ARHGAP10: variants seen among roughly 807,000 people sequenced by gnomAD.
ARHGAP10 encodes rho GTPase-activating protein 10.
ARHGAP10 carries 87 observed loss-of-function variants against 108.6 expected under a neutral mutation model. The ratio of observed to expected loss-of-function variants is 0.80; its 90% CI spans 0.67 to 0.96. The LOEUF (loss-of-function observed/expected upper bound fraction) is 0.96, where lower values mean the gene tolerates loss of function less well. Among genes scored for constraint, ARHGAP10 ranks in the 40% least tolerant of loss-of-function variants. The probability of loss-of-function intolerance (pLI) is 0.00; values close to 1 mark genes in which losing one functional copy is unlikely to be tolerated. For missense variants in ARHGAP10, 939 were observed against 954.5 expected (o/e 0.98, Z 0.21); for synonymous variants, 347 against 341.1 (o/e 1.02, Z -0.19).
chr4:147,794,876 TC>T (rs1731254233), intron 1 of ARHGAP10, among the ~76,000 whole-genome samples: 1 of 152,192 alleles, frequency 6.6e-6, no homozygotes, highest in Non-Finnish European at 1.5e-5. Context: ...TGTAACCAGT[TC>T]CCCTTCTGAT....
At chr4:147,969,324 C>CTTTTTTTTTT (rs61078731) in intron 18 of ARHGAP10, among the ~76,000 whole-genome samples, 2 of 93,870 alleles carry the variant, frequency 2.1e-5, no homozygotes, top group Non-Finnish European at 4.3e-5. Context: ...TTTGTTTTGC[C>CTTTTTTTTTT]TTTTTTTTTT....
chr4:147,780,223 C>T (rs1436251963), intron 1 of ARHGAP10, among the ~76,000 whole-genome samples: 3 of 152,140 alleles, frequency 2.0e-5, no homozygotes, highest in African/African-American at 4.8e-5. Context: ...TTTTCTGTGG[C>T]TGTGGGTGGA....
At position 147,866,693 on chromosome 4, in the gene ARHGAP10, T is replaced by C. The variant is rs1216520197; in HGVS notation, c.598-19T>C. ...CTGAGTTTTTTTGTGCTAATATCTC[T>C]TTTCTTCCTGTGTCTTAGATGCTGT... On this transcript the variant is annotated intron_variant, in intron 6 of 22. Coordinates refer to ENST00000336498, the MANE Select transcript of ARHGAP10 (RefSeq NM_024605.4). 3.8e-6 allele frequency: 6 copies of C among 1,583,886 alleles called. No individual in the cohort carries two copies. In the Admixed American group the frequency reaches 7.0e-5, roughly 19 times the overall value.
chr4:148,002,147 C>CT (rs1260703797), intron 18 of ARHGAP10, among the ~76,000 whole-genome samples: 1 of 152,032 alleles, frequency 6.6e-6, no homozygotes, highest in Non-Finnish European at 1.5e-5. Context: ...TGTCAAAGAC[C>CT]TTTTTTGCAT....
intron 13 of ARHGAP10, among the ~76,000 whole-genome samples, chr4:147,932,006 C>T (rs2126950017): frequency 6.6e-6 from 1 of 152,186 alleles, no homozygotes; most frequent in Middle Eastern, 3.4e-3. Flanking sequence ...GGGCAAAGGA[C>T]ATGAACAGAC....
chr4:147,830,456 A>G (rs1177571734), intron 3 of ARHGAP10, among the ~76,000 whole-genome samples: 2 of 151,454 alleles, frequency 1.3e-5, no homozygotes, highest in African/African-American at 2.4e-5. Context: ...TTAGGTTGGT[A>G]CAAAAGTAAT....
At chr4:147,809,350 A>G (rs529871671) in intron 1 of ARHGAP10, 1 of 152,330 alleles carries the variant, frequency 6.6e-6, no homozygotes, top group South Asian at 2.1e-4. Context: ...TGAAATAGCT[A>G]ACATGCATTT....
intron 12 of ARHGAP10, among the ~76,000 whole-genome samples, chr4:147,911,401 C>T (rs573500675): frequency 5.3e-5 from 8 of 152,242 alleles, no homozygotes; most frequent in East Asian, 1.9e-4. Flanking sequence ...CTTGCTCTGT[C>T]GCCCAGGCTG....
In ARHGAP10 at chr4:147,920,312, G is replaced by C. The variant is rs925614606; in HGVS notation, c.1228+7173G>C. Among the ~76,000 whole-genome samples, 5 of 151,930 alleles carry C rather than the reference G, an allele frequency of 3.3e-5. 1 individual carries two copies. Among genetic ancestry groups the C allele is most frequent in the African/African-American group, 4.8e-5 (2 of 41,246 alleles). Reference sequence around the variant, plus strand: ...GGTGCCTGTAATCCCAGCTGCTTGGGAGGCTGAGGCAGGAGAATGGTGTGA... The same window carrying C: ...GGTGCCTGTAATCCCAGCTGCTTGGCAGGCTGAGGCAGGAGAATGGTGTGA... On this transcript the variant is annotated intron_variant, in intron 13 of 22. Transcript: ENST00000336498.
At chr4:147,820,969 G>A (rs1347971950) in intron 1 of ARHGAP10, among the ~76,000 whole-genome samples, 1 of 151,932 alleles carries the variant, frequency 6.6e-6, no homozygotes, top group Non-Finnish European at 1.5e-5. Context: ...AAACCTAATG[G>A]CTAAAATAGC....
intron 1 of ARHGAP10, among the ~76,000 whole-genome samples, chr4:147,746,860 C>T (rs907336361): frequency 2.0e-5 from 3 of 152,112 alleles, no homozygotes; most frequent in African/African-American, 7.2e-5. Context: ...GATTTATTTT[C>T]CCTGAGGTAG....
chr4:147,860,103 C>G (rs1190448240), intron 5 of ARHGAP10, among the ~76,000 whole-genome samples: 1 of 152,198 alleles, frequency 6.6e-6, no homozygotes, highest in Non-Finnish European at 1.5e-5. Flanking sequence ...TGAACAAAGG[C>G]TTAGAAACGT....
At chr4:147,877,237 T>A (rs1419777085) in intron 8 of ARHGAP10, among the ~76,000 whole-genome samples, 1 of 134,178 alleles carries the variant, frequency 7.5e-6, no homozygotes, top group Non-Finnish European at 1.6e-5. Context: ...TTTTTTTTCT[T>A]AGAGTTAAAT....
Position 147,974,919 on chromosome 4 carries a change from C to T in ARHGAP10, c.1716+8080C>T, listed in dbSNP as rs889223259. ...CATCAGATCTCATGAGACTTACTATCATGAGAATAGCACAGGAAAGACCCA... is the reference window on the plus strand; with the variant it reads ...CATCAGATCTCATGAGACTTACTATTATGAGAATAGCACAGGAAAGACCCA... On this transcript the variant is annotated intron_variant, in intron 18 of 22. Coordinates refer to ENST00000336498, the MANE Select transcript of ARHGAP10 (RefSeq NM_024605.4). 9.2e-5 allele frequency among the ~76,000 whole-genome samples: 14 copies of T among 152,294 alleles called. No homozygotes were observed. The East Asian group carries it at 2.7e-3, about 29-fold the overall frequency.
chr4:147,899,345 C>G (rs557608042), intron 10 of ARHGAP10, among the ~76,000 whole-genome samples: 7 of 147,764 alleles, frequency 4.7e-5, no homozygotes, highest in Admixed American at 6.6e-5. Context: ...GTGTGTGTGT[C>G]TGTGTCTGTG....
At position 147,937,683 on chromosome 4, in the gene ARHGAP10, A is replaced by G. The variant is rs543382811; in HGVS notation, c.1229-2142A>G. Reference sequence around the variant, plus strand: ...TAAATGCCCATCAGTGATAGACTGGATAAAGAAAATGTGGGGTCAGGCGTA... The same window carrying G: ...TAAATGCCCATCAGTGATAGACTGGGTAAAGAAAATGTGGGGTCAGGCGTA... On this transcript the variant is annotated intron_variant, in intron 13 of 22. Transcript: ENST00000336498. 2.0e-5 allele frequency among the ~76,000 whole-genome samples: 3 copies of G among 152,312 alleles called. No individual in the cohort carries two copies. In the South Asian group the frequency reaches 6.2e-4, roughly 32 times the overall value.
chr4:147,732,245 A>G lies in ARHGAP10; in HGVS notation c.-57A>G. On this transcript the variant is annotated 5_prime_UTR_variant, in exon 1 of 23. Transcript: ENST00000336498. Reference sequence around the variant, plus strand: ...GCGCCGCACCTGGCAGCGGCCTCGGAGCTCGGCTCGGGCAGGAGCGCGCGG... The same window carrying G: ...GCGCCGCACCTGGCAGCGGCCTCGGGGCTCGGCTCGGGCAGGAGCGCGCGG... 2 of 1,481,034 alleles carry G rather than the reference A, an allele frequency of 1.4e-6. No homozygotes were observed. Among genetic ancestry groups the G allele is most frequent in the South Asian group, 2.7e-5 (2 of 73,380 alleles). The allele number at this position is 1,481,034 out of a possible 1,614,324, so 91.7% of individuals were successfully genotyped here.
chr4:147,958,593 C>T (rs1738874962), intron 16 of ARHGAP10, among the ~76,000 whole-genome samples: 1 of 152,188 alleles, frequency 6.6e-6, no homozygotes, highest in South Asian at 2.1e-4. Flanking sequence ...ATTAAGGGAA[C>T]TGAATGCTTA....
chr4:148,040,508 T>G (rs1471074015), intron 19 of ARHGAP10, among the ~76,000 whole-genome samples: 1 of 151,970 alleles, frequency 6.6e-6, no homozygotes. Context: ...CACCTGGCTA[T>G]TTTTTGTATT....
Sources: gnomAD v4.1 joint callset for allele counts (sites outside exome capture counted in the v4.1 genomes callset) on GRCh38, gnomAD v4.1.1 for gene constraint, MANE v1.5 for transcripts, NCBI Gene and HGNC (gene_info 2026-07-23, HGNC 2026-07-21) for gene names.